Variants in CARM1 observed in about 807,000 individuals in gnomAD.
CARM1 encodes the protein histone-arginine methyltransferase CARM1.
Under a neutral mutation model 72.7 loss-of-function variants are expected in CARM1, and 14 were observed. The ratio of observed to expected loss-of-function variants is 0.19; its 90% CI spans 0.13 to 0.30. CARM1 has a LOEUF of 0.30. Among genes scored for constraint, CARM1 ranks in the 10% least tolerant of loss-of-function variants. CARM1 has a pLI of 1.00. For missense variants in CARM1, 432 were observed against 833.7 expected, an observed-to-expected ratio of 0.52 and a Z score of 5.93; for synonymous variants, 333 against 345.5, an observed-to-expected ratio of 0.96 and a Z score of 0.40.
intron 4 of CARM1, among the ~76,000 whole-genome samples, chr19:10,909,843 A>G (rs558938458): frequency 6.6e-6 from 1 of 152,356 alleles, no homozygotes; most frequent in Non-Finnish European, 1.5e-5. Flanking sequence ...GGCCTCTATC[A>G]GTTCCCTCCA....
At chr19:10,899,477 T>C (rs2074048301) in intron 1 of CARM1, among the ~76,000 whole-genome samples, 1 of 152,146 alleles carries the variant, frequency 6.6e-6, no homozygotes, top group Non-Finnish European at 1.5e-5. Flanking sequence ...TGGGAGCACT[T>C]TATCTTGGGC....
chr19:10,893,702 A>G lies in CARM1; in HGVS notation c.221-11249A>G, dbSNP rs148420270. Among the ~76,000 whole-genome samples, 12 of 152,188 alleles carry G rather than the reference A, an allele frequency of 7.9e-5. No homozygotes were observed. In the East Asian group the frequency reaches 2.3e-3, roughly 29 times the overall value. On this transcript the variant is annotated intron_variant, in intron 1 of 15. Coordinates refer to ENST00000327064, the MANE Select transcript of CARM1 (RefSeq NM_199141.2). The stretch of plus-strand genomic sequence containing the variant: ...GTGAAGGCAGGTGCTAGTTCGGGGG[A>G]TCCAAGCCCTGCCAGACTCTGCTGC...
chr19:10,899,278 C>T (rs34857893), intron 1 of CARM1, among the ~76,000 whole-genome samples: 37,550 of 152,100 alleles, frequency 0.25, 4,727 homozygotes, highest in Middle Eastern at 0.33. Context: ...GCCTGCCTGG[C>T]GCCAGGTCAG....
chr19:10,908,330 A>G (rs544892480), intron 3 of CARM1, among the ~76,000 whole-genome samples, 185 bp downstream of exon 3: 1 of 152,304 alleles, frequency 6.6e-6, no homozygotes, highest in East Asian at 1.9e-4. Flanking sequence ...TCATCTGTGA[A>G]GCGGAGATGC....
Position 10,871,982 on chromosome 19 carries a change from G to C in CARM1, c.220+60G>C. 1.7e-6 allele frequency: 2 copies of C among 1,148,634 alleles called. No individual in the cohort carries two copies. The highest frequency in any genetic ancestry group is 8.5e-5 in the South Asian group (2 of 23,402). 71.2% of individuals were successfully genotyped at this position (1,148,634 alleles called of 1,614,324 possible). Reference sequence around the variant, plus strand: ...GGGCTGCTCACGAGGCCGGCCCGGGGCGGGGGCCGGCGGGGAGGGGCCCTG... The same window carrying C: ...GGGCTGCTCACGAGGCCGGCCCGGGCCGGGGGCCGGCGGGGAGGGGCCCTG... On this transcript the variant is annotated intron_variant, in intron 1 of 15. Coordinates refer to ENST00000327064, the MANE Select transcript of CARM1 (RefSeq NM_199141.2). This position sits in a 1 kb window ranked among gnomAD's most constrained non-coding sequence, Gnocchi z 5.6.
At chr19:10,917,740 C>T (rs1318518175) in intron 8 of CARM1, among the ~76,000 whole-genome samples, 3 of 126,444 alleles carry the variant, frequency 2.4e-5, no homozygotes, top group South Asian at 2.5e-4. Flanking sequence ...TTTTTTGAGA[C>T]GGAGTCTTGC....
intron 1 of CARM1, among the ~76,000 whole-genome samples, chr19:10,881,412 G>A (rs527260530): frequency 1.3e-5 from 2 of 152,326 alleles, no homozygotes; most frequent in East Asian, 3.9e-4. Flanking sequence ...AGTGGAGTCT[G>A]CCCTGGCTGG....
rs867174988 is a variant in CARM1 at position 10,871,625 on chromosome 19, G to A, written c.-78G>A. 1.1e-4 allele frequency: 18 copies of A among 165,930 alleles called. No individual in the cohort carries two copies. Among genetic ancestry groups the A allele is most frequent in the South Asian group, 2.0e-4 (1 of 4,988 alleles). 10.3% of individuals were successfully genotyped at this position (165,930 alleles called of 1,614,324 possible). A position where few individuals can be genotyped will look rare whatever the true frequency, so the allele number is the denominator to read the frequency against. The stretch of plus-strand genomic sequence containing the variant: ...CGGCGGCGGCGGCGGCGGCGGCGGC[G>A]GCGGCGGCGGCGGCAGCGGCGGCGG... On this transcript the variant is annotated 5_prime_UTR_variant, in exon 1 of 16. Coordinates refer to ENST00000327064, the MANE Select transcript of CARM1 (RefSeq NM_199141.2). This position sits in a 1 kb window ranked among gnomAD's most constrained non-coding sequence, Gnocchi z 5.6.
At chr19:10,887,469 C>T (rs1028160149) in intron 1 of CARM1, among the ~76,000 whole-genome samples, 2 of 152,238 alleles carry the variant, frequency 1.3e-5, no homozygotes, top group African/African-American at 4.8e-5. Context: ...ACATACTGTT[C>T]TCTGAGCCTT....
rs1455692995 is a variant in CARM1 at position 10,922,301 on chromosome 19, G to A, written c.*544G>A. On this transcript the variant is annotated 3_prime_UTR_variant, in exon 16 of 16. Coordinates refer to ENST00000327064, the MANE Select transcript of CARM1 (RefSeq NM_199141.2). ...CCAGCAGCCCCTCTCCCTAGACTCA[G>A]AGGCGCCGCGGGGAGGGGTGGCCCC... is the stretch of plus-strand genomic sequence containing the variant. 2 of 152,662 alleles carry A rather than the reference G, an allele frequency of 1.3e-5. No individual in the cohort carries two copies. Among genetic ancestry groups the A allele is most frequent in the African/African-American group, 4.8e-5 (2 of 41,446 alleles). 9.5% of individuals were successfully genotyped at this position (152,662 alleles called of 1,614,324 possible). A position where few individuals can be genotyped will look rare whatever the true frequency, so the allele number is the denominator to read the frequency against.
chr19:10,902,290 CTTTTT>C (rs869120010), intron 1 of CARM1, among the ~76,000 whole-genome samples: 18 of 114,756 alleles, frequency 1.6e-4, no homozygotes, highest in African/African-American at 4.6e-4. Context: ...ATTGTTGTTT[CTTTTT>C]TTTTTTTTTT....
chr19:10,919,787 G>A, intron 9 of CARM1, 90 bp from the exon 10 acceptor site: 1 of 1,507,904 alleles, frequency 6.6e-7, no homozygotes. Flanking sequence ...TGGTGGGCGG[G>A]GGCCCCAGGC....
chr19:10,917,718 C>CTTTTTTTTTTTTTTT (rs1164032277), intron 8 of CARM1, among the ~76,000 whole-genome samples: 1 of 129,826 alleles, frequency 7.7e-6, no homozygotes, highest in Non-Finnish European at 1.6e-5. Context: ...TTTTCTTTTT[C>CTTTTTTTTTTTTTTT]TTTTTTTTTT....
Position 10,920,788 on chromosome 19 carries a change from C to G in CARM1, c.1424+40C>G, listed in dbSNP as rs2288842. ...TTGCCTGCACAGGGGGGCGCCCCGG[C>G]CCTGCAACCCCCTTGCCCCTGCCCA... On this transcript the variant is annotated intron_variant, in intron 12 of 15. Transcript: ENST00000327064. The surrounding 1 kb of genome is among the most constrained non-coding windows in gnomAD (Gnocchi z 5.3). 441,624 of 1,613,304 alleles carry G rather than the reference C, an allele frequency of 0.27. 63,081 individuals carry two copies. Among genetic ancestry groups the G allele is most frequent in the East Asian group, 0.54 (24,161 of 44,870 alleles).
chr19:10,908,387 A>G (rs2074120642), intron 3 of CARM1, among the ~76,000 whole-genome samples: 1 of 152,184 alleles, frequency 6.6e-6, no homozygotes. Flanking sequence ...GCACAGGTGG[A>G]GCTCAGGGCC....
At chr19:10,890,792 T>C (rs1685561098) in intron 1 of CARM1, among the ~76,000 whole-genome samples, 1 of 102,014 alleles carries the variant, frequency 9.8e-6, no homozygotes, top group Non-Finnish European at 1.8e-5. Flanking sequence ...TATATATATA[T>C]ATATTTTTTT....
intron 2 of CARM1, among the ~76,000 whole-genome samples, chr19:10,905,988 G>GC (rs2074100609): frequency 8.8e-6 from 1 of 113,188 alleles, no homozygotes; most frequent in Middle Eastern, 8.5e-3. Context: ...TCACTCTGTT[G>GC]CCCAGGCTGG....
At chr19:10,889,736 C>A (rs768668480) in intron 1 of CARM1, among the ~76,000 whole-genome samples, 2 of 152,138 alleles carry the variant, frequency 1.3e-5, no homozygotes, top group Non-Finnish European at 2.9e-5. Flanking sequence ...CCGGATCCAA[C>A]CGTGGACCCT....
At chr19:10,872,508 C>T (rs945277908) in intron 1 of CARM1, among the ~76,000 whole-genome samples, 2 of 152,064 alleles carry the variant, frequency 1.3e-5, no homozygotes, top group Admixed American at 1.3e-4. Context: ...GGGAGAGGGC[C>T]CATGCGGGGA....
Sources: gnomAD v4.1 joint callset for allele counts (sites outside exome capture counted in the v4.1 genomes callset) on GRCh38, gnomAD v4.1.1 for gene constraint, Gnocchi (gnomAD v3.1) non-coding constraint, MANE v1.5 for transcripts, NCBI Gene and HGNC (gene_info 2026-07-23, HGNC 2026-07-21) for gene names.